The following DMKN variants were observed in gnomAD, a reference collection of about 807,000 sequenced individuals.
DMKN encodes the protein epidermis-specific secreted protein SK30/SK89.
DMKN carries 58 observed loss-of-function variants against 67.6 expected under a neutral mutation model. The observed-to-expected ratio is 0.86, with a 90% CI of 0.69 to 1.07. The LOEUF (loss-of-function observed/expected upper bound fraction) is 1.07. Among genes scored for constraint, DMKN ranks in the 50% least tolerant of loss-of-function variants. The probability of loss-of-function intolerance (pLI) is 0.00; values close to 1 mark genes in which losing one functional copy is unlikely to be tolerated. For synonymous variants in DMKN, 240 were observed against 232.3 expected (o/e 1.03, Z -0.30); for missense variants, 596 against 601.5 (o/e 0.99, Z 0.10).
At chr19:35,507,723 G>A in intron 7 of DMKN, 1 of 552,538 alleles carries the variant, frequency 1.8e-6, no homozygotes, top group Admixed American at 3.1e-5. Context: ...CTGTGGGTCG[G>A]GTGGCTGCTC....
chr19:35,510,144 C>T (rs759051254), intron 6 of DMKN, 40 bp downstream of exon 6: 35 of 1,582,070 alleles, frequency 2.2e-5, no homozygotes, highest in Non-Finnish European at 2.9e-5. Context: ...CTCTCCTTTT[C>T]CTTCCCGCGG....
intron 7 of DMKN, chr19:35,507,675 G>C (rs1223475006): frequency 1.6e-6 from 1 of 618,582 alleles, no homozygotes; most frequent in African/African-American, 1.8e-5. Context: ...CCTTCTCTCG[G>C]GGAAGTTCCA....
intron 9 of DMKN, among the ~76,000 whole-genome samples, chr19:35,504,580 C>CA (rs532027754): frequency 0.58 from 64,431 of 111,568 alleles, 16,722 homozygotes; most frequent in African/African-American, 0.7. Flanking sequence ...TCCGTCTCAC[C>CA]AAAAAAAAAA....
At chr19:35,508,106 T>A in intron 7 of DMKN, 1 of 1,460,570 alleles carries the variant, frequency 6.8e-7, no homozygotes, top group East Asian at 2.5e-5. Flanking sequence ...CTGGCAGGGA[T>A]GTGGGACCAC....
chr19:35,511,794 G>A lies in DMKN; in HGVS notation c.704C>T (p.Ser235Phe). 1 of 1,613,436 alleles carries A rather than the reference G, an allele frequency of 6.2e-7. No individual in the cohort carries two copies. Among genetic ancestry groups the A allele is most frequent in the South Asian group, 1.1e-5 (1 of 90,910 alleles). The part of the protein sequence containing the change: ...QNEGCTNPPP[S>F]GSGGGSSNSG... ...GTTGCTGGAGCCTCCACCTGAGCCA[G>A]ATGGTGGGGGATTCGTGCACTGTCG... The change falls in exon 4 of 16, where the codon TCT (serine) becomes TTT (phenylalanine). Residue 235 changes from serine (S) to phenylalanine (F), a missense_variant. Transcript: ENST00000339686.
At chr19:35,511,928 A>G (rs1050098235) in intron 3 of DMKN, 115 bp from the exon 4 acceptor site, 10 of 1,210,510 alleles carry the variant, frequency 8.3e-6, no homozygotes, top group Middle Eastern at 2.0e-4. Flanking sequence ...CCTTTCTCCT[A>G]ATGTGTTTCT....
chr19:35,500,677 C>A, intron 11 of DMKN, 97 bp from the exon 12 acceptor site: 1 of 1,372,144 alleles, frequency 7.3e-7, no homozygotes, highest in South Asian at 1.4e-5. Context: ...CACCCCTTTC[C>A]ACGTGCTACC....
chr19:35,502,323 G>T, intron 10 of DMKN, 140 bp from the exon 11 acceptor site: 1 of 740,504 alleles, frequency 1.4e-6, no homozygotes, highest in South Asian at 1.5e-5. Flanking sequence ...GTAAGCACGT[G>T]GGAGATTGAG....
chr19:35,513,039 C>T lies in DMKN; in HGVS notation c.426+11G>A, dbSNP rs1296433605. Reference sequence around the variant, plus strand: ...CCTCCCATTTCCACATGCAGCCCCACAGCCACTCACCCAAGCACCATTGTG... The same window carrying T: ...CCTCCCATTTCCACATGCAGCCCCATAGCCACTCACCCAAGCACCATTGTG... On this transcript the variant is annotated intron_variant, in intron 1 of 15. Coordinates refer to ENST00000339686, the MANE Select transcript of DMKN (RefSeq NM_033317.5). 2.5e-6 allele frequency: 4 copies of T among 1,612,056 alleles called. No homozygotes were observed. The highest frequency in any genetic ancestry group is 1.3e-5 in the African/African-American group (1 of 75,034).
chr19:35,508,310 T>C, intron 7 of DMKN: 1 of 1,531,670 alleles, frequency 6.5e-7, no homozygotes. Flanking sequence ...AATTAATGTA[T>C]TGATTTAATA....
At chr19:35,511,629 G>A in intron 4 of DMKN, 36 bp from the exon 5 acceptor site, 1 of 1,605,624 alleles carries the variant, frequency 6.2e-7, no homozygotes, top group South Asian at 1.1e-5. Context: ...TGGGATTAAA[G>A]ACAGAGCACC....
chr19:35,501,832 G>T (rs1205620685), intron 11 of DMKN: 1 of 1,573,580 alleles, frequency 6.4e-7, no homozygotes, highest in Non-Finnish European at 8.6e-7. Context: ...CCCAGCCGTG[G>T]CTCCCCTGGG....
chr19:35,513,165 T>C lies in DMKN; in HGVS notation c.311A>G (p.His104Arg), dbSNP rs1281746572. The C allele has an allele frequency of 1.9e-6, 3 of 1,614,216 alleles. No individual in the cohort carries two copies. The highest frequency in any genetic ancestry group is 2.5e-6 in the Non-Finnish European group (3 of 1,180,052). ...ALGNRVGEAAHALGNTGHEIG... is the reference protein window; with the variant it reads ...ALGNRVGEAARALGNTGHEIG... ...CTCGTGCCCAGTGTTTCCCAGAGCA[T>C]GGGCTGCTTCCCCGACCCTGTTGCC... is the stretch of plus-strand genomic sequence containing the variant. Residue 104 changes from histidine to arginine, a missense_variant, in exon 1 of 16, where the codon CAT (histidine) becomes CGT (arginine). Coordinates refer to ENST00000339686, the MANE Select transcript of DMKN (RefSeq NM_033317.5).
At chr19:35,512,368 C>G (rs2036646346) in intron 3 of DMKN, 53 bp downstream of exon 3, 5 of 1,600,802 alleles carry the variant, frequency 3.1e-6, no homozygotes, top group Non-Finnish European at 4.3e-6. Context: ...CCCCAGCTCT[C>G]TGTAGCCTGC....
intron 14 of DMKN, 52 bp downstream of exon 14, chr19:35,498,822 C>T (rs916113019): frequency 6.2e-7 from 1 of 1,614,154 alleles, no homozygotes; most frequent in Admixed American, 1.7e-5. Flanking sequence ...TACCCTCTGG[C>T]CTCAGGCCCC....
chr19:35,508,524 C>A, intron 7 of DMKN: 1 of 301,460 alleles, frequency 3.3e-6, no homozygotes, highest in Non-Finnish European at 6.2e-6. Context: ...AGAAACTCCC[C>A]AAAATACTAA....
At chr19:35,506,149 C>A (rs1014981621) in intron 7 of DMKN, 163 bp from the exon 8 acceptor site, 1 of 1,554,324 alleles carries the variant, frequency 6.4e-7, no homozygotes. Context: ...CCACCAACAG[C>A]GTCACCTCCT....
chr19:35,507,868 G>C, intron 7 of DMKN: 1 of 442,560 alleles, frequency 2.3e-6, no homozygotes, highest in Non-Finnish European at 4.1e-6. Flanking sequence ...AGTGGGCCAG[G>C]CTGTTACACT....
At chr19:35,502,912 T>C (rs774402317) in intron 9 of DMKN, 26 bp from the exon 10 acceptor site, 6 of 1,610,676 alleles carry the variant, frequency 3.7e-6, no homozygotes, top group Non-Finnish European at 8.5e-7. Flanking sequence ...GGGGAGCAGG[T>C]TAGCAGAGAG....
Sources: allele counts gnomAD v4.1 joint callset (sites outside exome capture counted in the v4.1 genomes callset), GRCh38; gene constraint gnomAD v4.1.1; transcripts MANE v1.5; gene names NCBI Gene and HGNC (gene_info 2026-07-23, HGNC 2026-07-21).